EIF2AK3: variants seen among roughly 807,000 people sequenced by gnomAD.
EIF2AK3 encodes eukaryotic translation initiation factor 2-alpha kinase 3.
EIF2AK3 carries 50 observed loss-of-function variants against 113.5 expected under a neutral mutation model. The observed-to-expected ratio is 0.44, with a 90% CI of 0.35 to 0.56. The LOEUF (loss-of-function observed/expected upper bound fraction) is 0.56. EIF2AK3 is among the 20% of genes least tolerant of loss of function. EIF2AK3 has a pLI of 0.00. For synonymous variants in EIF2AK3, 448 were observed against 495.4 expected (o/e 0.90, Z 1.27); for missense variants, 1,185 against 1,378.0 (o/e 0.86, Z 2.22).
At chr2:88,585,785 A>C in intron 9 of EIF2AK3, 56 bp downstream of exon 9, 1 of 1,555,994 alleles carries the variant, frequency 6.4e-7, no homozygotes, top group South Asian at 1.2e-5. Flanking sequence ...ATGGGTTGAG[A>C]AGCAAATAGG....
At chr2:88,610,754 G>GT (rs1675434360) in intron 2 of EIF2AK3, among the ~76,000 whole-genome samples, 1 of 152,158 alleles carries the variant, frequency 6.6e-6, no homozygotes, top group East Asian at 1.9e-4. Context: ...TAAAATACAT[G>GT]TTTTTTAAAC....
At chr2:88,579,310 G>A (rs1035741177) in intron 11 of EIF2AK3, among the ~76,000 whole-genome samples, 23 of 152,158 alleles carry the variant, frequency 1.5e-4, no homozygotes, top group African/African-American at 3.6e-4. Flanking sequence ...TAAAAAACAA[G>A]GGCATATTTT....
chr2:88,589,648 TTA>T (rs1426302655), intron 6 of EIF2AK3, among the ~76,000 whole-genome samples: 1 of 149,580 alleles, frequency 6.7e-6, no homozygotes, highest in Non-Finnish European at 1.5e-5. Flanking sequence ...ATATAAATAA[TTA>T]TATATGTAAT....
At chr2:88,603,227 C>T (rs1174307798) in intron 2 of EIF2AK3, among the ~76,000 whole-genome samples, 1 of 152,158 alleles carries the variant, frequency 6.6e-6, no homozygotes, top group African/African-American at 2.4e-5. Flanking sequence ...CGGATAAAAA[C>T]GAACACTTCA....
Position 88,579,426 on chromosome 2 carries a change from G to C in EIF2AK3, c.1886+92C>G. The C allele has an allele frequency of 4.0e-6, 6 of 1,512,664 alleles. No homozygotes were observed. In the South Asian group the frequency reaches 6.8e-5, roughly 17 times the overall value. The allele number at this position is 1,512,664 out of a possible 1,614,324, so 93.7% of individuals were successfully genotyped here. ...GAAACGTCTGAAACTGTTTTCTATG[G>C]TGTTTACAGAGTACAGTAAGAAGGA... is the stretch of plus-strand genomic sequence containing the variant. On this transcript the variant is annotated intron_variant, in intron 11 of 16. Coordinates refer to ENST00000303236, the MANE Select transcript of EIF2AK3 (RefSeq NM_004836.7).
intron 2 of EIF2AK3, among the ~76,000 whole-genome samples, chr2:88,606,255 A>G (rs1675271248): frequency 6.6e-6 from 1 of 151,960 alleles, no homozygotes; most frequent in Admixed American, 6.6e-5. Flanking sequence ...ACCTAGATTA[A>G]TATATATTCA....
chr2:88,619,132 G>C (rs1024627563), intron 1 of EIF2AK3, among the ~76,000 whole-genome samples: 1 of 151,930 alleles, frequency 6.6e-6, no homozygotes, highest in African/African-American at 2.4e-5. Context: ...TGGGATTACA[G>C]GTGCCCACCA....
intron 2 of EIF2AK3, among the ~76,000 whole-genome samples, chr2:88,597,571 T>C (rs947676553): frequency 5.9e-5 from 9 of 152,208 alleles, no homozygotes; most frequent in Admixed American, 3.9e-4. Context: ...CATGGTTATT[T>C]AAACACAACA....
At chr2:88,583,595 G>C (rs972777191) in intron 9 of EIF2AK3, 53 bp from the exon 10 acceptor site, 5 of 1,284,054 alleles carry the variant, frequency 3.9e-6, no homozygotes, top group African/African-American at 2.9e-5. Context: ...ACTGAAGTTA[G>C]CTAACAATTT....
intron 2 of EIF2AK3, among the ~76,000 whole-genome samples, chr2:88,598,171 G>A (rs1403748493): frequency 6.6e-6 from 1 of 152,034 alleles, no homozygotes; most frequent in Non-Finnish European, 1.5e-5. Context: ...ATAGCAAACA[G>A]ATAAAATAAA....
At chr2:88,559,672 G>A (rs773507632) in intron 15 of EIF2AK3, among the ~76,000 whole-genome samples, 13 of 152,102 alleles carry the variant, frequency 8.5e-5, no homozygotes, top group Non-Finnish European at 1.9e-4. Context: ...TTTCTATGGA[G>A]TTGCCTCTTC....
intron 1 of EIF2AK3, among the ~76,000 whole-genome samples, chr2:88,616,362 TCCTTCTGCCTGGAACATACA>T (rs1675569259): frequency 1.3e-5 from 2 of 152,260 alleles, no homozygotes; most frequent in Non-Finnish European, 2.9e-5. Context: ...CATCTACCGT[TCCTTCTGCCTGGAACATACA>T]CCTCCAGCTA....
intron 1 of EIF2AK3, among the ~76,000 whole-genome samples, chr2:88,623,415 G>A (rs1003503890): frequency 6.6e-6 from 1 of 152,158 alleles, no homozygotes; most frequent in East Asian, 1.9e-4. Flanking sequence ...TGCTTGATAT[G>A]CAGAGTAAGC....
chr2:88,585,285 T>A (rs547577253), intron 9 of EIF2AK3, among the ~76,000 whole-genome samples: 2 of 152,100 alleles, frequency 1.3e-5, no homozygotes, highest in South Asian at 4.2e-4. Flanking sequence ...AGTACGTTTC[T>A]TTGAGAGAGA....
chr2:88,623,633 C>T (rs914657989), intron 1 of EIF2AK3, among the ~76,000 whole-genome samples: 1 of 152,166 alleles, frequency 6.6e-6, no homozygotes. Flanking sequence ...CCCTAATACT[C>T]CTTGAAACAA....
chr2:88,568,194 C>T (rs1415878784), intron 14 of EIF2AK3, among the ~76,000 whole-genome samples: 1 of 152,174 alleles, frequency 6.6e-6, no homozygotes, highest in Non-Finnish European at 1.5e-5. Context: ...TATTACTGGT[C>T]TCTGATATAA....
intron 2 of EIF2AK3, chr2:88,595,950 TAATGG>T: frequency 2.2e-6 from 1 of 457,786 alleles, no homozygotes; most frequent in Non-Finnish European, 4.0e-6. Flanking sequence ...AAGGGTCCCA[TAATGG>T]TAGGTGAGTT....
intron 1 of EIF2AK3, among the ~76,000 whole-genome samples, chr2:88,622,411 A>G (rs1675748278): frequency 6.6e-6 from 1 of 152,230 alleles, no homozygotes; most frequent in Admixed American, 6.5e-5. Flanking sequence ...GAGTAAAGAG[A>G]CACGCTGAAG....
At chr2:88,561,423 G>A (rs918331538) in intron 15 of EIF2AK3, among the ~76,000 whole-genome samples, 47 of 151,628 alleles carry the variant, frequency 3.1e-4, no homozygotes, top group Non-Finnish European at 1.6e-4. Context: ...CACCATGCCC[G>A]GCTAATTTTT....
Sources: gnomAD v4.1 joint callset for allele counts (sites outside exome capture counted in the v4.1 genomes callset) on GRCh38, gnomAD v4.1.1 for gene constraint, MANE v1.5 for transcripts, NCBI Gene and HGNC (gene_info 2026-07-23, HGNC 2026-07-21) for gene names.